The following ACVR1B variants were observed in gnomAD, a reference collection of about 807,000 sequenced individuals.
ACVR1B encodes the protein activin receptor type-1B.
In ACVR1B, 15 loss-of-function variants were observed where a neutral mutation model predicts 55.6. That is an observed-to-expected ratio of 0.27 (90% CI 0.18 to 0.42). The LOEUF (loss-of-function observed/expected upper bound fraction) is 0.42, where lower values mean the gene tolerates loss of function less well. Among genes scored for constraint, ACVR1B ranks in the 10% least tolerant of loss-of-function variants. ACVR1B has a pLI of 1.00. For synonymous variants in ACVR1B, 247 were observed against 254.6 expected (o/e 0.97, Z 0.28); for missense variants, 359 against 670.1 (o/e 0.54, Z 5.13).
chr12:51,979,380 T>TCC (rs1592255294), intron 3 of ACVR1B, among the ~76,000 whole-genome samples: 1 of 146,692 alleles, frequency 6.8e-6, no homozygotes, highest in East Asian at 2.0e-4. Context: ...GGCAGGAGAA[T>TCC]CACATGAACC....
At chr12:51,968,081 A>G (rs1281176401) in intron 1 of ACVR1B, among the ~76,000 whole-genome samples, 1 of 152,192 alleles carries the variant, frequency 6.6e-6, no homozygotes, top group Non-Finnish European at 1.5e-5. Context: ...CTGAAAATAC[A>G]AAAAACTAGC....
intron 1 of ACVR1B, among the ~76,000 whole-genome samples, chr12:51,961,086 T>C (rs923911217): frequency 7.0e-6 from 1 of 143,506 alleles, no homozygotes; most frequent in African/African-American, 2.5e-5. Flanking sequence ...TCCTCCAGTG[T>C]GGACCTTCGT....
chr12:51,970,608 GT>G (rs1366058226), intron 1 of ACVR1B, among the ~76,000 whole-genome samples: 3 of 152,204 alleles, frequency 2.0e-5, no homozygotes, highest in Non-Finnish European at 4.4e-5. Flanking sequence ...ACTGGAGAGG[GT>G]TGGGATAAGG....
Position 51,994,328 on chromosome 12 carries a change from C to CT in ACVR1B, c.*219dup. ...TTTACCTCCTAATGGCATGGAGACT[C>CT]TGAGAGCGAATTGTGTGGAGAACTC... is the stretch of plus-strand genomic sequence containing the variant. On this transcript the variant is annotated 3_prime_UTR_variant, in exon 9 of 9. Transcript: ENST00000257963. This position sits in a 1 kb window ranked among gnomAD's most constrained non-coding sequence, Gnocchi z 4.2. 1.8e-6 allele frequency: 1 copy of CT among 542,992 alleles called. No individual in the cohort carries two copies. Among genetic ancestry groups the CT allele is most frequent in the South Asian group, 2.2e-5 (1 of 46,452 alleles). The allele number at this position is 542,992 out of a possible 1,614,324, so 33.6% of individuals were successfully genotyped here.
At chr12:51,956,872 A>G (rs1941420439) in intron 1 of ACVR1B, among the ~76,000 whole-genome samples, 1 of 151,728 alleles carries the variant, frequency 6.6e-6, no homozygotes, top group South Asian at 2.1e-4. Flanking sequence ...CAATCCTCCC[A>G]CCTCAGCCTC....
chr12:51,958,235 C>A (rs1941449218), intron 1 of ACVR1B, among the ~76,000 whole-genome samples: 1 of 152,168 alleles, frequency 6.6e-6, no homozygotes, highest in African/African-American at 2.4e-5. Context: ...TTCCAGACTG[C>A]AAACTAAACA....
At position 51,976,499 on chromosome 12, in the gene ACVR1B, A is replaced by C; in HGVS notation, c.504A>C (p.Ser168=). Residue 168 remains serine (S), a synonymous_variant, in exon 3 of 9, where the codon TCA becomes TCC. Coordinates refer to ENST00000257963, the MANE Select transcript of ACVR1B (RefSeq NM_004302.5). Reference sequence around the variant, plus strand: ...AGAGACTGGACATGGAAGATCCCTCATGTGAGATGTGTCTCTCCAAAGACA... The same window carrying C: ...AGAGACTGGACATGGAAGATCCCTCCTGTGAGATGTGTCTCTCCAAAGACA... ...NRQRLDMEDP[S]CEMCLSKDKT... is the part of the protein sequence containing the mutation. 4 of 1,614,116 alleles carry C rather than the reference A, an allele frequency of 2.5e-6. No homozygotes were observed. The highest frequency in any genetic ancestry group is 3.4e-6 in the Non-Finnish European group (4 of 1,180,024).
At chr12:51,981,232 A>T (rs750993521) in intron 4 of ACVR1B, 33 bp downstream of exon 4, 1 of 1,574,844 alleles carries the variant, frequency 6.3e-7, no homozygotes, top group Non-Finnish European at 8.7e-7. Flanking sequence ...GCATTCCCAG[A>T]TAGAGGATGC....
In ACVR1B at chr12:51,983,518, T is replaced by C. The variant is rs12296553; in HGVS notation, c.812-481T>C. On this transcript the variant is annotated intron_variant, in intron 4 of 8. Coordinates refer to ENST00000257963, the MANE Select transcript of ACVR1B (RefSeq NM_004302.5). ...ATTACAGATGAGACAGGTGCTGTGT[T>C]TGGGCTGTGTTCAGAGGGTCGCTGG... Among the ~76,000 whole-genome samples the C allele has an allele frequency of 5.2e-3, 788 of 152,258 alleles. 6 individuals carry two copies. The highest frequency in any genetic ancestry group is 0.018 in the African/African-American group (746 of 41,550).
At chr12:51,952,522 T>C (rs1476489687) in intron 1 of ACVR1B, among the ~76,000 whole-genome samples, 1 of 152,180 alleles carries the variant, frequency 6.6e-6, no homozygotes, top group African/African-American at 2.4e-5. Context: ...TTGGAGGAAG[T>C]GGGACGAACA....
At chr12:51,952,906 T>C (rs1358293105) in intron 1 of ACVR1B, among the ~76,000 whole-genome samples, 1 of 142,026 alleles carries the variant, frequency 7.0e-6, no homozygotes, top group Non-Finnish European at 1.5e-5. Flanking sequence ...TAGAAGCGGG[T>C]ACCTTTTTGC....
rs2120382045 is a variant in ACVR1B at position 51,951,794 on chromosome 12, G to A, written c.51G>A (p.Leu17=). The A allele has an allele frequency of 7.7e-7, 1 of 1,296,964 alleles. No homozygotes were observed. The allele number at this position is 1,296,964 out of a possible 1,614,324, so 80.3% of individuals were successfully genotyped here. ...CCTTCTTCCCCCTTGTTGTCCTCCT[G>A]CTCGCCGGCAGCGGCGGGTCCGGGC... ...ASSFFPLVVL[L]LAGSGGSGPR... is the part of the protein sequence containing the mutation. The change falls in exon 1 of 9, where the codon CTG becomes CTA. Residue 17 remains leucine, a synonymous_variant. Transcript: ENST00000257963.
chr12:51,980,255 C>G (rs2120651846), intron 3 of ACVR1B, among the ~76,000 whole-genome samples: 1 of 152,110 alleles, frequency 6.6e-6, no homozygotes, highest in East Asian at 1.9e-4. Flanking sequence ...TCTACCAGAC[C>G]TAGGGATTAA....
At chr12:51,974,670 A>G (rs1359678313) in intron 1 of ACVR1B, among the ~76,000 whole-genome samples, 1 of 152,174 alleles carries the variant, frequency 6.6e-6, no homozygotes, top group African/African-American at 2.4e-5. Context: ...TCTTTGGAGG[A>G]TATCATTTTT....
chr12:51,965,505 A>C (rs1195088747), intron 1 of ACVR1B, among the ~76,000 whole-genome samples: 1 of 152,200 alleles, frequency 6.6e-6, no homozygotes, highest in Non-Finnish European at 1.5e-5. Context: ...ATTCAATGTC[A>C]GCAGCTGGGT....
intron 1 of ACVR1B, among the ~76,000 whole-genome samples, chr12:51,961,193 C>G (rs1941517555): frequency 6.6e-6 from 1 of 152,152 alleles, no homozygotes; most frequent in South Asian, 2.1e-4. Flanking sequence ...TTGTCTTCTC[C>G]CACTCTCCAT....
Position 51,996,790 on chromosome 12 carries a change from C to T in ACVR1B, c.*2680C>T, listed in dbSNP as rs73102793. On this transcript the variant is annotated 3_prime_UTR_variant, in exon 9 of 9. Coordinates refer to ENST00000257963, the MANE Select transcript of ACVR1B (RefSeq NM_004302.5). ...GAAACTGAAGCCGTGTTTTTGGCCC[C>T]CCGAGGCTAACCCTGATCCATAGTG... The T allele has an allele frequency of 0.031, 4,733 of 152,622 alleles. 100 individuals carry two copies. The highest frequency in any genetic ancestry group is 0.054 in the Middle Eastern group (16 of 294). 9.5% of individuals were successfully genotyped at this position (152,622 alleles called of 1,614,324 possible).
At chr12:51,983,863 T>C in intron 4 of ACVR1B, 136 bp from the exon 5 acceptor site, 3 of 840,608 alleles carry the variant, frequency 3.6e-6, no homozygotes, top group Non-Finnish European at 5.7e-6. Context: ...AGATGGGGCT[T>C]CAGGGGGCAT....
At chr12:51,959,670 A>G (rs545937476) in intron 1 of ACVR1B, among the ~76,000 whole-genome samples, 68 of 152,328 alleles carry the variant, frequency 4.5e-4, no homozygotes, top group African/African-American at 1.6e-3. Flanking sequence ...GTAAAGCAAG[A>G]GAGGGGAATA....
Sources: allele counts gnomAD v4.1 joint callset (sites outside exome capture counted in the v4.1 genomes callset), GRCh38; gene constraint gnomAD v4.1.1; non-coding constraint Gnocchi (gnomAD v3.1); transcripts MANE v1.5; gene names NCBI Gene and HGNC (gene_info 2026-07-23, HGNC 2026-07-21).